CLSTN2: variants seen among roughly 807,000 people sequenced by gnomAD.
CLSTN2 encodes the protein calsyntenin-2.
CLSTN2 carries 48 observed loss-of-function variants against 101.2 expected under a neutral mutation model. The observed-to-expected ratio is 0.47, with a 90% CI of 0.38 to 0.60. The LOEUF is 0.60. Among genes scored for constraint, CLSTN2 ranks in the 20% least tolerant of loss-of-function variants. CLSTN2 has a pLI of 0.00. For missense variants in CLSTN2, 1,160 were observed against 1,238.2 expected (o/e 0.94, Z 0.95); for synonymous variants, 481 against 463.6 (o/e 1.04, Z -0.48).
At chr3:140,252,000 G>A (rs2086569303) in intron 2 of CLSTN2, among the ~76,000 whole-genome samples, 1 of 152,112 alleles carries the variant, frequency 6.6e-6, no homozygotes, top group South Asian at 2.1e-4. Flanking sequence ...GGTATAACAA[G>A]CCATAAATGC....
chr3:140,256,811 A>G (rs2086607927), intron 2 of CLSTN2, among the ~76,000 whole-genome samples: 1 of 152,212 alleles, frequency 6.6e-6, no homozygotes, highest in Admixed American at 6.5e-5. Context: ...GGACCATTGC[A>G]TAACGTTTAT....
chr3:140,104,833 G>T (rs973498361), intron 1 of CLSTN2, among the ~76,000 whole-genome samples: 3 of 152,178 alleles, frequency 2.0e-5, no homozygotes, highest in African/African-American at 7.2e-5. Flanking sequence ...AATTAGCCAG[G>T]CATGGTGATG....
intron 2 of CLSTN2, among the ~76,000 whole-genome samples, chr3:140,270,799 T>C (rs60094335): frequency 0.17 from 25,428 of 152,098 alleles, 4,788 homozygotes; most frequent in African/African-American, 0.47. Flanking sequence ...TTGAAAAGCA[T>C]ATGAATTTTA....
intron 1 of CLSTN2, among the ~76,000 whole-genome samples, chr3:140,070,641 T>G (rs1353930830): frequency 2.0e-5 from 3 of 152,180 alleles, no homozygotes; most frequent in Admixed American, 1.3e-4. Context: ...TTCCCAGCTA[T>G]TAACTATTAC....
chr3:139,963,006 A>ATATTATTAT lies in CLSTN2; in HGVS notation c.109+27535_109+27543dup, dbSNP rs71146202. Among the ~76,000 whole-genome samples, 7 of 151,662 alleles carry ATATTATTAT rather than the reference A, an allele frequency of 4.6e-5. No homozygotes were observed. In the East Asian group the frequency reaches 1.2e-3, roughly 25 times the overall value. ...TCTCTTAGGATAACACATTGATTTA[A>ATATTATTAT]TATTATTATTATTATTATTACAACA... is the stretch of plus-strand genomic sequence containing the variant. On this transcript the variant is annotated intron_variant, in intron 1 of 16. Coordinates refer to ENST00000458420, the MANE Select transcript of CLSTN2 (RefSeq NM_022131.3).
chr3:139,946,264 A>G (rs1423988624), intron 1 of CLSTN2, among the ~76,000 whole-genome samples: 1 of 152,158 alleles, frequency 6.6e-6, no homozygotes, highest in Non-Finnish European at 1.5e-5. Flanking sequence ...AACCCTTAAC[A>G]TGTCACTTCA....
intron 6 of CLSTN2, among the ~76,000 whole-genome samples, chr3:140,455,902 C>T (rs969261498): frequency 3.9e-5 from 6 of 152,178 alleles, no homozygotes; most frequent in African/African-American, 9.7e-5. Context: ...GCAACATCTG[C>T]GGGTTAGAGA....
At chr3:140,260,491 T>C (rs1049370898) in intron 2 of CLSTN2, among the ~76,000 whole-genome samples, 8 of 151,166 alleles carry the variant, frequency 5.3e-5, no homozygotes, top group Non-Finnish European at 1.0e-4. Context: ...TAAAAAGTTA[T>C]ATGGTTTTTA....
At chr3:140,084,676 G>A (rs539302195) in intron 1 of CLSTN2, among the ~76,000 whole-genome samples, 89 of 152,212 alleles carry the variant, frequency 5.8e-4, no homozygotes, top group Non-Finnish European at 9.3e-4. Context: ...ACACTGATAT[G>A]GGATATAACC....
intron 1 of CLSTN2, among the ~76,000 whole-genome samples, chr3:139,955,066 A>G (rs150318751): frequency 0.017 from 2,450 of 147,436 alleles, 43 homozygotes; most frequent in Middle Eastern, 0.047. Flanking sequence ...ATATGTTGCT[A>G]TATATACACA....
intron 8 of CLSTN2, among the ~76,000 whole-genome samples, chr3:140,482,265 T>G (rs1387857544): frequency 1.3e-5 from 2 of 152,228 alleles, no homozygotes; most frequent in Non-Finnish European, 2.9e-5. Context: ...GATTTTCGTA[T>G]GTTGATCCAG....
At chr3:140,320,614 G>C (rs1041987773) in intron 2 of CLSTN2, among the ~76,000 whole-genome samples, 2 of 148,884 alleles carry the variant, frequency 1.3e-5, no homozygotes, top group Non-Finnish European at 3.0e-5. Flanking sequence ...TTTTTTGCGG[G>C]GGGGGGCAGG....
At chr3:140,282,768 C>T (rs953241566) in intron 2 of CLSTN2, among the ~76,000 whole-genome samples, 1 of 152,244 alleles carries the variant, frequency 6.6e-6, no homozygotes, top group African/African-American at 2.4e-5. Flanking sequence ...AGTTTTGAAG[C>T]TAGGTCTCAA....
At chr3:140,240,571 T>C (rs973921525) in intron 2 of CLSTN2, among the ~76,000 whole-genome samples, 1 of 152,026 alleles carries the variant, frequency 6.6e-6, no homozygotes, top group Non-Finnish European at 1.5e-5. Flanking sequence ...AGAGGACAGA[T>C]GAGTTAACAT....
intron 2 of CLSTN2, among the ~76,000 whole-genome samples, chr3:140,388,339 C>G (rs1489967014): frequency 6.6e-6 from 1 of 152,200 alleles, no homozygotes; most frequent in African/African-American, 2.4e-5. Flanking sequence ...AGCATGGCAC[C>G]TTTGATGGAG....
In CLSTN2 at chr3:139,990,100, T is replaced by C. The variant is rs1936092146; in HGVS notation, c.109+54617T>C. On this transcript the variant is annotated intron_variant, in intron 1 of 16. Transcript: ENST00000458420. Reference sequence around the variant, plus strand: ...GTAGGCATTGGAAGGCTGTGAGTCATTTTGGTAATGATTGTGCTGTTATTT... The same window carrying C: ...GTAGGCATTGGAAGGCTGTGAGTCACTTTGGTAATGATTGTGCTGTTATTT... Among the ~76,000 whole-genome samples the C allele has an allele frequency of 2.0e-5, 3 of 152,372 alleles. No individual in the cohort carries two copies. The South Asian group carries it at 6.2e-4, about 32-fold the overall frequency.
At chr3:140,025,302 A>G (rs2007396074) in intron 1 of CLSTN2, among the ~76,000 whole-genome samples, 1 of 152,202 alleles carries the variant, frequency 6.6e-6, no homozygotes, top group Non-Finnish European at 1.5e-5. Context: ...AAGAATACCT[A>G]CAGAAATGAT....
At chr3:140,016,566 C>T (rs1054111036) in intron 1 of CLSTN2, among the ~76,000 whole-genome samples, 5 of 151,770 alleles carry the variant, frequency 3.3e-5, no homozygotes, top group South Asian at 2.1e-4. Flanking sequence ...TTTGGGAGGC[C>T]GAGGCGGGCG....
intron 2 of CLSTN2, among the ~76,000 whole-genome samples, chr3:140,357,279 A>G (rs1341891469): frequency 6.6e-6 from 1 of 152,212 alleles, no homozygotes; most frequent in Non-Finnish European, 1.5e-5. Context: ...TAAAGTTGCA[A>G]CAATGGTTAC....
Sources: allele counts gnomAD v4.1 joint callset (sites outside exome capture counted in the v4.1 genomes callset), GRCh38; gene constraint gnomAD v4.1.1; transcripts MANE v1.5; gene names NCBI Gene and HGNC (gene_info 2026-07-23, HGNC 2026-07-21).